RAB3GAP2: variants seen among roughly 807,000 people sequenced by gnomAD.
RAB3GAP2 encodes rab3 GTPase-activating protein non-catalytic subunit.
RAB3GAP2 carries 87 observed loss-of-function variants against 185.3 expected under a neutral mutation model. The ratio of observed to expected loss-of-function variants is 0.47; its 90% CI spans 0.39 to 0.56. The LOEUF is 0.56. Ranked by LOEUF, RAB3GAP2 falls within the 20% of genes least tolerant of loss-of-function variation. RAB3GAP2 has a pLI of 0.00. For synonymous variants in RAB3GAP2, 554 were observed against 576.1 expected, an observed-to-expected ratio of 0.96 and a Z score of 0.55; for missense variants, 1,492 against 1,638.2, an observed-to-expected ratio of 0.91 and a Z score of 1.54.
rs1658189200 is a variant in RAB3GAP2 at position 220,172,081 on chromosome 1, C to G, written c.2417-32G>C. The stretch of plus-strand genomic sequence containing the variant: ...GGATAGGAGAAAACAGAAAAATAAA[C>G]TCTTACCCTGTCAATTTTTTGGACT... On this transcript the variant is annotated intron_variant, in intron 22 of 34. Coordinates refer to ENST00000358951, the MANE Select transcript of RAB3GAP2 (RefSeq NM_012414.4). 3.1e-6 allele frequency: 5 copies of G among 1,610,728 alleles called. No homozygotes were observed. In the South Asian group the frequency reaches 5.5e-5, roughly 18 times the overall value.
chr1:220,263,815 A>G (rs1260880507), intron 1 of RAB3GAP2, among the ~76,000 whole-genome samples: 1 of 152,120 alleles, frequency 6.6e-6, no homozygotes, highest in Non-Finnish European at 1.5e-5. Context: ...CCAACAAAAA[A>G]AAGAAAAGAC....
At chr1:220,266,828 A>G in intron 1 of RAB3GAP2, 13 of 1,597,262 alleles carry the variant, frequency 8.1e-6, no homozygotes, top group Non-Finnish European at 1.0e-5. Flanking sequence ...ATGCTTCAAC[A>G]GTCTTGAAAT....
chr1:220,237,194 T>TA (rs561764265), intron 1 of RAB3GAP2, among the ~76,000 whole-genome samples: 1,631 of 152,318 alleles, frequency 0.011, 11 homozygotes, highest in Non-Finnish European at 0.018. Flanking sequence ...AGATCCAGTG[T>TA]AAAGATTCCA....
At position 220,151,297 on chromosome 1, in the gene RAB3GAP2, A is replaced by G; in HGVS notation, c.4136T>C (p.Leu1379Ser). 6.2e-7 allele frequency: 1 copy of G among 1,614,094 alleles called. No homozygotes were observed. Among genetic ancestry groups the G allele is most frequent in the South Asian group, 1.1e-5 (1 of 91,082 alleles). ...GGCTTCCACAGCTTCAATGAGGTGT[A>G]AGGCTAGACCATATTGCCCATGTTT... is the stretch of plus-strand genomic sequence containing the variant. ...PEKHGQYGLA[L>S]HLIEAVEAIS... The change falls in exon 35 of 35, where the codon TTA becomes TCA. Residue 1379 changes from leucine to serine, a missense_variant. Physicochemically the swap from Leu to Ser is moderately radical, Grantham distance 145. Coordinates refer to ENST00000358951, the MANE Select transcript of RAB3GAP2 (RefSeq NM_012414.4).
Position 220,182,735 on chromosome 1 carries a change from T to C in RAB3GAP2, c.2195A>G (p.Glu732Gly), listed in dbSNP as rs1457711270. The change falls in exon 20 of 35, where the codon GAG (glutamate) becomes GGG (glycine). Residue 732 changes from glutamate to glycine, a missense_variant. By Grantham distance (98) the Glu-to-Gly change is moderately conservative (BLOSUM62 -2). Transcript: ENST00000358951. Reference protein sequence around the residue: ...DVLNIKKISEEEYVALGSFFF... With the variant: ...DVLNIKKISEGEYVALGSFFF... Reference sequence around the variant, plus strand: ...TTACCTACCTAAAGCCACATATTCCTCTTCACTTATTTTCTTTATGTTGAG... The same window carrying C: ...TTACCTACCTAAAGCCACATATTCCCCTTCACTTATTTTCTTTATGTTGAG... The C allele has an allele frequency of 3.7e-6, 6 of 1,602,956 alleles. No individual in the cohort carries two copies. Among genetic ancestry groups the C allele is most frequent in the Middle Eastern group, 2.1e-4 (1 of 4,684 alleles).
chr1:220,251,198 A>G (rs894822938), intron 1 of RAB3GAP2, among the ~76,000 whole-genome samples: 1 of 152,232 alleles, frequency 6.6e-6, no homozygotes, highest in South Asian at 2.1e-4. Context: ...TTGCAATAAA[A>G]TAAGGATAGG....
At position 220,189,692 on chromosome 1, in the gene RAB3GAP2, T is replaced by G. The variant is rs1160578191; in HGVS notation, c.1779+11A>C. 2 of 1,560,428 alleles carry G rather than the reference T, an allele frequency of 1.3e-6. No individual in the cohort carries two copies. The highest frequency in any genetic ancestry group is 1.8e-6 in the Non-Finnish European group (2 of 1,141,406). ...TACTAGCAGGAAAGTTCGTGTATTA[T>G]ATACACTTACTTGTTTTTTGGTTGC... On this transcript the variant is annotated intron_variant, in intron 17 of 34. Coordinates refer to ENST00000358951, the MANE Select transcript of RAB3GAP2 (RefSeq NM_012414.4).
chr1:220,222,908 T>C (rs1409079753), intron 2 of RAB3GAP2, among the ~76,000 whole-genome samples: 3 of 152,216 alleles, frequency 2.0e-5, no homozygotes, highest in Non-Finnish European at 4.4e-5. Flanking sequence ...TCTGTAATAC[T>C]TGAATTTTCT....
chr1:220,256,522 C>CA (rs1192916051), intron 1 of RAB3GAP2, among the ~76,000 whole-genome samples: 2 of 152,114 alleles, frequency 1.3e-5, no homozygotes, highest in African/African-American at 4.8e-5. Flanking sequence ...CACATAGGCT[C>CA]AAAATAAAAG....
In RAB3GAP2 at chr1:220,222,777, G is replaced by A. The variant is rs147023219; in HGVS notation, c.181-8798C>T. Among the ~76,000 whole-genome samples, 320 of 152,060 alleles carry A rather than the reference G, an allele frequency of 2.1e-3. 4 individuals are homozygous for A. Among genetic ancestry groups the A allele is most frequent in the African/African-American group, 7.5e-3 (313 of 41,460 alleles). ...GCCCACTCAACCTTCTATTCATATA[G>A]TGCCAAAGAAAAACCCCCAAAAACC... is the stretch of plus-strand genomic sequence containing the variant. On this transcript the variant is annotated intron_variant, in intron 2 of 34. Coordinates refer to ENST00000358951, the MANE Select transcript of RAB3GAP2 (RefSeq NM_012414.4).
intron 1 of RAB3GAP2, among the ~76,000 whole-genome samples, chr1:220,261,813 T>C (rs1385594191): frequency 6.6e-6 from 1 of 152,198 alleles, no homozygotes; most frequent in Non-Finnish European, 1.5e-5. Flanking sequence ...GCAGAGATTC[T>C]TAGTATGCTG....
At chr1:220,229,883 C>T (rs530756619) in intron 2 of RAB3GAP2, among the ~76,000 whole-genome samples, 4 of 152,296 alleles carry the variant, frequency 2.6e-5, no homozygotes, top group South Asian at 2.1e-4. Context: ...AAGTCTCTTA[C>T]GTTATTCATA....
At chr1:220,169,261 A>G (rs1658130544) in intron 24 of RAB3GAP2, among the ~76,000 whole-genome samples, 1 of 152,230 alleles carries the variant, frequency 6.6e-6, no homozygotes, top group African/African-American at 2.4e-5. Context: ...CCAGTATCAA[A>G]TGCCTAAAAG....
At chr1:220,222,099 G>A (rs1201585991) in intron 2 of RAB3GAP2, among the ~76,000 whole-genome samples, 1 of 152,124 alleles carries the variant, frequency 6.6e-6, no homozygotes, top group Non-Finnish European at 1.5e-5. Context: ...TTCTGCCTAA[G>A]CCATAGAAAT....
At chr1:220,163,580 T>C (rs978620183) in intron 27 of RAB3GAP2, among the ~76,000 whole-genome samples, 4 of 151,250 alleles carry the variant, frequency 2.6e-5, no homozygotes, top group Middle Eastern at 3.4e-3. Context: ...GCCAGGATGG[T>C]CTCGATCTCC....
At chr1:220,157,552 C>T (rs1657880550) in intron 30 of RAB3GAP2, 64 bp from the exon 31 acceptor site, 2 of 1,524,176 alleles carry the variant, frequency 1.3e-6, no homozygotes, top group African/African-American at 2.7e-5. Flanking sequence ...ACAAATATCC[C>T]AATGAGTTTA....
chr1:220,182,514 C>A (rs1658429090), intron 20 of RAB3GAP2, among the ~76,000 whole-genome samples, 160 bp from the exon 21 acceptor site: 1 of 152,220 alleles, frequency 6.6e-6, no homozygotes, highest in Non-Finnish European at 1.5e-5. Context: ...GAAAGCAAAT[C>A]ATGATCCAAT....
intron 8 of RAB3GAP2, among the ~76,000 whole-genome samples, chr1:220,204,461 A>C (rs1167505264): frequency 6.6e-6 from 1 of 152,164 alleles, no homozygotes; most frequent in Non-Finnish European, 1.5e-5. Context: ...ATAGACAATT[A>C]TTTTATATTC....
In RAB3GAP2 at chr1:220,182,826, C is replaced by T. The variant is rs541606455; in HGVS notation, c.2104G>A (p.Asp702Asn). 1 of 1,613,448 alleles carries T rather than the reference C, an allele frequency of 6.2e-7. No individual in the cohort carries two copies. The highest frequency in any genetic ancestry group is 8.5e-7 in the Non-Finnish European group (1 of 1,179,624). ...ACAGGCAACACACCATCTTTATCAT[C>T]AGAAAATCGAACATTTGTCCTGGTG... is the stretch of plus-strand genomic sequence containing the variant. ...ENTRTNVRFSDDKDGVLPVKT... is the reference protein window; with the variant it reads ...ENTRTNVRFSNDKDGVLPVKT... Residue 702 changes from aspartate to asparagine, a missense_variant, in exon 20 of 35, where the codon GAT becomes AAT. This residue lies in a region of RAB3GAP2 where 681 missense variants were observed against 689.1 expected (regional missense o/e 0.99). Transcript: ENST00000358951.
Sources: gnomAD v4.1 joint callset for allele counts (sites outside exome capture counted in the v4.1 genomes callset) on GRCh38, gnomAD v4.1.1 for gene constraint, gnomAD v4.1.1 regional missense constraint, MANE v1.5 for transcripts, NCBI Gene and HGNC (gene_info 2026-07-23, HGNC 2026-07-21) for gene names.